The following PTGER4 variants were observed in gnomAD, a reference collection of about 807,000 sequenced individuals.
PTGER4 encodes the protein prostaglandin E receptor 4.
A neutral mutation model predicts 33.2 loss-of-function variants in PTGER4; 11 were observed. The ratio of observed to expected loss-of-function variants is 0.33; its 90% CI spans 0.21 to 0.55. The LOEUF (loss-of-function observed/expected upper bound fraction) is 0.55. Ranked by LOEUF, PTGER4 falls within the 20% of genes least tolerant of loss-of-function variation. PTGER4 has a pLI of 0.92. For missense variants in PTGER4, 481 were observed against 650.2 expected, an observed-to-expected ratio of 0.74 and a Z score of 2.83; for synonymous variants, 275 against 281.5, an observed-to-expected ratio of 0.98 and a Z score of 0.23.
chr5:40,729,625 A>T, the PTGER4 span, among the ~76,000 whole-genome samples: 1 of 152,220 alleles, frequency 6.6e-6, no homozygotes, highest in Non-Finnish European at 1.5e-5. Context: ...TGCTAAGTCT[A>T]CTATATTTAA....
the PTGER4 span, among the ~76,000 whole-genome samples, chr5:40,743,397 G>A: frequency 1.3e-5 from 2 of 152,118 alleles, no homozygotes; most frequent in Non-Finnish European, 1.5e-5. Flanking sequence ...AAGTTGATTT[G>A]GTAGGCAGGG....
In PTGER4 at chr5:40,682,856, G is replaced by A. The variant is rs544308002; in HGVS notation, c.867+996G>A. Among the ~76,000 whole-genome samples the A allele has an allele frequency of 6.6e-5, 10 of 152,318 alleles. 1 individual carries two copies. The South Asian group carries it at 2.1e-3, about 32-fold the overall frequency. On this transcript the variant is annotated intron_variant, in intron 2 of 2. Coordinates refer to ENST00000302472, the MANE Select transcript of PTGER4 (RefSeq NM_000958.3). ...CATTTCTCATTTTGGCGTTTGTAAA[G>A]CGTGGGTTGGAGTTTTGGTACACTT...
chr5:40,699,463 A>G, the PTGER4 span, among the ~76,000 whole-genome samples: 60 of 152,192 alleles, frequency 3.9e-4, no homozygotes, highest in Non-Finnish European at 5.7e-4. Context: ...TATAGAAACT[A>G]TATTGAAAAG....
Position 40,681,668 on chromosome 5 carries a change from C to G in PTGER4, c.675C>G (p.Thr225=), listed in dbSNP as rs753129067. ...RQFMRRTSLG[T]EQHHAAAAAS... is the part of the protein sequence containing the mutation. ...TCATGCGCCGCACCTCGCTGGGCAC[C>G]GAGCAGCACCACGCGGCCGCGGCCG... Residue 225 remains threonine, a synonymous_variant, in exon 2 of 3, where the codon ACC becomes ACG. Coordinates refer to ENST00000302472, the MANE Select transcript of PTGER4 (RefSeq NM_000958.3). The surrounding 1 kb of genome is among the most constrained non-coding windows in gnomAD (Gnocchi z 9.8). 1.3e-6 allele frequency: 2 copies of G among 1,585,160 alleles called. No homozygotes were observed. Among genetic ancestry groups the G allele is most frequent in the Middle Eastern group, 1.7e-4 (1 of 6,028 alleles).
the PTGER4 span, among the ~76,000 whole-genome samples, chr5:40,746,373 CTAAA>C: frequency 6.6e-6 from 1 of 152,074 alleles, no homozygotes; most frequent in African/African-American, 2.4e-5. Flanking sequence ...CAAAGAATAA[CTAAA>C]TACCTATTTT....
chr5:40,708,063 C>T, the PTGER4 span, among the ~76,000 whole-genome samples: 2 of 152,052 alleles, frequency 1.3e-5, no homozygotes, highest in South Asian at 4.2e-4. Flanking sequence ...GCACTAAATG[C>T]CCAAAAGAGA....
At chr5:40,736,874 T>C in the PTGER4 span, among the ~76,000 whole-genome samples, 1 of 152,164 alleles carries the variant, frequency 6.6e-6, no homozygotes, top group Non-Finnish European at 1.5e-5. Context: ...AAATCTACAC[T>C]CTTAACCACT....
chr5:40,698,092 C>CAAAAAAAAAAAAAAAAAA (rs1156254550), downstream of PTGER4, among the ~76,000 whole-genome samples: 9 of 40,050 alleles, frequency 2.2e-4, no homozygotes, highest in South Asian at 1.8e-3. Flanking sequence ...CCTGTCTCTA[C>CAAAAAAAAAAAAAAAAAA]AAAAAAAAAA....
At chr5:40,720,905 C>T in the PTGER4 span, among the ~76,000 whole-genome samples, 380 of 152,280 alleles carry the variant, frequency 2.5e-3, no homozygotes, top group African/African-American at 8.8e-3. Flanking sequence ...TCTACGGTGG[C>T]TACAAAAAGT....
At chr5:40,732,811 T>C in the PTGER4 span, among the ~76,000 whole-genome samples, 1 of 152,174 alleles carries the variant, frequency 6.6e-6, no homozygotes, top group Non-Finnish European at 1.5e-5. Context: ...TTTCACCATG[T>C]TGGCCAGGCT....
the PTGER4 span, among the ~76,000 whole-genome samples, chr5:40,722,733 C>CG: frequency 6.7e-6 from 1 of 149,982 alleles, no homozygotes; most frequent in Non-Finnish European, 1.5e-5. Flanking sequence ...CGGGAGGTGG[C>CG]GGGGCAGCCC....
At chr5:40,686,502 G>T (rs1741326869) in intron 2 of PTGER4, among the ~76,000 whole-genome samples, 1 of 152,182 alleles carries the variant, frequency 6.6e-6, no homozygotes, top group South Asian at 2.1e-4. Context: ...TATACGATAG[G>T]CACTGTACTA....
In PTGER4 at chr5:40,691,967, C is replaced by T. The variant is rs762651839; in HGVS notation, c.1056C>T (p.Gly352=). Residue 352 remains glycine (G), a synonymous_variant, in exon 3 of 3, where the codon GGC becomes GGT. Transcript: ENST00000302472. This position sits in a 1 kb window ranked among gnomAD's most constrained non-coding sequence, Gnocchi z 4.2. ...TCAAATGCCTCTTCTGCCGCATTGG[C>T]GGGTCCCGCAGGGAGCGCTCCGGAC... ...EKIKCLFCRI[G]GSRRERSGQH... 8.7e-6 allele frequency: 14 copies of T among 1,614,032 alleles called. No individual in the cohort carries two copies. Among genetic ancestry groups the T allele is most frequent in the African/African-American group, 4.0e-5 (3 of 74,942 alleles).
At chr5:40,686,848 T>C (rs1404645072) in intron 2 of PTGER4, among the ~76,000 whole-genome samples, 1 of 152,172 alleles carries the variant, frequency 6.6e-6, no homozygotes, top group African/African-American at 2.4e-5. Flanking sequence ...CAATGAGCCA[T>C]GTTTGTATCA....
chr5:40,719,207 A>G, the PTGER4 span, among the ~76,000 whole-genome samples: 1 of 152,212 alleles, frequency 6.6e-6, no homozygotes, highest in East Asian at 1.9e-4. Flanking sequence ...ACCTACTGGC[A>G]GTTACTCCTC....
the PTGER4 span, among the ~76,000 whole-genome samples, chr5:40,742,201 C>T: frequency 4.9e-3 from 750 of 152,022 alleles, 5 homozygotes; most frequent in African/African-American, 0.017. Context: ...TCCATGCCTA[C>T]TTTTTAAAGT....
the PTGER4 span, among the ~76,000 whole-genome samples, chr5:40,741,976 C>A: frequency 6.6e-6 from 1 of 151,766 alleles, no homozygotes; most frequent in Non-Finnish European, 1.5e-5. Context: ...GCCAACAGAG[C>A]GAGACTCTGT....
chr5:40,742,152 G>T, the PTGER4 span, among the ~76,000 whole-genome samples: 1 of 151,798 alleles, frequency 6.6e-6, no homozygotes, highest in East Asian at 1.9e-4. Context: ...GGCCATCCAG[G>T]TCTAGTTCTA....
At chr5:40,684,116 A>ACC (rs1438448504) in intron 2 of PTGER4, among the ~76,000 whole-genome samples, 25 of 38,344 alleles carry the variant, frequency 6.5e-4, no homozygotes, top group African/African-American at 2.2e-3. Context: ...TCATTATGCC[A>ACC]CCCACCCACC....
Sources: gnomAD v4.1 joint callset for allele counts (sites outside exome capture counted in the v4.1 genomes callset) on GRCh38, gnomAD v4.1.1 for gene constraint, Gnocchi (gnomAD v3.1) non-coding constraint, MANE v1.5 for transcripts, NCBI Gene and HGNC (gene_info 2026-07-23, HGNC 2026-07-21) for gene names.